Variants in ODF2 observed in about 807,000 individuals in gnomAD.
The protein encoded by ODF2 is outer dense fiber protein 2.
In ODF2, 47 loss-of-function variants were observed where a neutral mutation model predicts 110.2. The ratio of observed to expected loss-of-function variants is 0.43; its 90% CI spans 0.34 to 0.54. The LOEUF is 0.54. ODF2 is among the 20% of genes least tolerant of loss of function. The pLI, the probability that ODF2 is intolerant of heterozygous loss-of-function variation, is 0.03. For missense variants in ODF2, 812 were observed against 1,054.5 expected (o/e 0.77, Z 3.19); for synonymous variants, 352 against 397.7 (o/e 0.89, Z 1.37).
chr9:128,492,680 C>T, intron 15 of ODF2, 21 bp from the exon 16 acceptor site: 1 of 1,607,804 alleles, frequency 6.2e-7, no homozygotes, highest in Non-Finnish European at 8.5e-7. Context: ...TAAGATGAAC[C>T]ACAGTGTTGT....
chr9:128,471,762 G>A (rs1041443026), intron 6 of ODF2, among the ~76,000 whole-genome samples: 1 of 152,076 alleles, frequency 6.6e-6, no homozygotes, highest in Admixed American at 6.6e-5. Context: ...TTAAGCATTC[G>A]GCAGGTGGGT....
intron 8 of ODF2, among the ~76,000 whole-genome samples, chr9:128,475,933 C>T (rs986585063): frequency 5.3e-5 from 8 of 151,966 alleles, no homozygotes; most frequent in Admixed American, 2.6e-4. Flanking sequence ...GGTAAGCCAC[C>T]GCGCCCGGCC....
Position 128,471,481 on chromosome 9 carries a change from C to T in ODF2, c.581+13C>T, listed in dbSNP as rs1250345148. Reference sequence around the variant, plus strand: ...AGGACTTCACCATGTAAGGTGGCTCCTGCTCTGTCCCCGCTGATCTATTCC... The same window carrying T: ...AGGACTTCACCATGTAAGGTGGCTCTTGCTCTGTCCCCGCTGATCTATTCC... On this transcript the variant is annotated intron_variant, in intron 6 of 20. Coordinates refer to ENST00000604420, the Ensembl canonical transcript of ODF2. 3 of 1,611,416 alleles carry T rather than the reference C, an allele frequency of 1.9e-6. No individual in the cohort carries two copies. Among genetic ancestry groups the T allele is most frequent in the South Asian group, 2.2e-5 (2 of 90,588 alleles).
At chr9:128,491,910 A>G (rs1588971867) in intron 14 of ODF2, among the ~76,000 whole-genome samples, 1 of 128,144 alleles carries the variant, frequency 7.8e-6, no homozygotes, top group African/African-American at 3.0e-5. Context: ...TCTGTCGCCC[A>G]GGCTGGAGTG....
chr9:128,482,759 T>C (rs556591312), intron 9 of ODF2, 57 bp from the exon 10 acceptor site: 4 of 1,395,628 alleles, frequency 2.9e-6, no homozygotes, highest in Non-Finnish European at 4.0e-6. Context: ...CTGTCCTCCC[T>C]GGGCCGGGCC....
intron 10 of ODF2, 147 bp downstream of exon 10, chr9:128,483,034 T>C: frequency 1.6e-6 from 1 of 631,868 alleles, no homozygotes; most frequent in Non-Finnish European, 2.7e-6. Context: ...TAGCTGGGAC[T>C]ACAGGCGTGC....
At chr9:128,470,036 T>A (rs1436168317) in intron 5 of ODF2, among the ~76,000 whole-genome samples, 2 of 65,962 alleles carry the variant, frequency 3.0e-5, no homozygotes, top group Non-Finnish European at 5.8e-5. Context: ...TATATATATA[T>A]ATATATATAT....
chr9:128,460,801 G>T, intron 3 of ODF2, 135 bp downstream of exon 3: 2 of 1,514,430 alleles, frequency 1.3e-6, no homozygotes, highest in Non-Finnish European at 1.8e-6. Context: ...CTGGTTAGAA[G>T]GTAGGCAGGC....
At chr9:128,460,462 GC>G (rs895320010) in intron 3 of ODF2, 87 bp from the exon 3 acceptor site, 6 of 1,545,388 alleles carry the variant, frequency 3.9e-6, no homozygotes, top group African/African-American at 2.8e-5. Context: ...CTTTTTGGTG[GC>G]CCCCAGAGGC....
At chr9:128,481,682 G>T (rs1263723762) in intron 9 of ODF2, 31 bp downstream of exon 9, 2 of 1,570,426 alleles carry the variant, frequency 1.3e-6, no homozygotes, top group African/African-American at 1.4e-5. Context: ...CTACTCTAGT[G>T]GGTACAGGTG....
intron 1 of ODF2, chr9:128,456,948 C>G (rs1835020705): frequency 1.6e-6 from 2 of 1,245,542 alleles, no homozygotes; most frequent in African/African-American, 3.1e-5. Context: ...TTGTCCGGCC[C>G]CGCCCCAGCA....
At chr9:128,470,039 AT>A (rs1839534986) in intron 5 of ODF2, among the ~76,000 whole-genome samples, 3 of 95,778 alleles carry the variant, frequency 3.1e-5, no homozygotes, top group African/African-American at 1.1e-4. Context: ...ATATATATAT[AT>A]ATATATAAAT....
exon 14 of ODF2, chr9:128,487,974 C>T: frequency 6.2e-7 from 1 of 1,614,036 alleles, no homozygotes; most frequent in East Asian, 2.2e-5. Flanking sequence ...AGAGACTACA[C>T]CGTCAGACTG....
upstream of ODF2, chr9:128,456,020 ATC>A (rs1317297038): frequency 3.0e-5 from 43 of 1,429,520 alleles, no homozygotes; most frequent in Non-Finnish European, 3.7e-5. Flanking sequence ...GGGGCGGGGC[ATC>A]TCTGTGACGC....
intron 4 of ODF2, among the ~76,000 whole-genome samples, chr9:128,468,621 C>G (rs1421173504): frequency 6.6e-6 from 1 of 152,142 alleles, no homozygotes; most frequent in Non-Finnish European, 1.5e-5. Context: ...CTCCCGGGTT[C>G]AAGCGATCCT....
At chr9:128,478,363 C>T (rs765971410) in intron 8 of ODF2, among the ~76,000 whole-genome samples, 4 of 151,914 alleles carry the variant, frequency 2.6e-5, no homozygotes, top group Non-Finnish European at 5.9e-5. Flanking sequence ...TTTGGGAGGC[C>T]GAGGTGGGCA....
At chr9:128,497,871 G>A (rs1845931385) in intron 18 of ODF2, 1 of 152,276 alleles carries the variant, frequency 6.6e-6, no homozygotes. Context: ...TAAATTGGAA[G>A]GCATCCTGGA....
chr9:128,464,899 TA>T (rs1837441292), intron 4 of ODF2, among the ~76,000 whole-genome samples: 1 of 930 alleles, frequency 1.1e-3, no homozygotes, highest in African/African-American at 2.2e-3. Flanking sequence ...TTCACCGTTT[TA>T]GCCGGGATGG....
chr9:128,485,175 T>C lies in ODF2; in HGVS notation c.1291-190T>C, dbSNP rs903778029. On this transcript the variant is annotated intron_variant, in intron 12 of 20. Coordinates refer to ENST00000604420, the Ensembl canonical transcript of ODF2. The surrounding 1 kb of genome is among the most constrained non-coding windows in gnomAD (Gnocchi z 5.0). Reference sequence around the variant, plus strand: ...GGAAGGATTTACAAACAGGATGCATTTGATTGCTAGAAATCTGGGAGCACT... The same window carrying C: ...GGAAGGATTTACAAACAGGATGCATCTGATTGCTAGAAATCTGGGAGCACT... 6.6e-6 allele frequency among the ~76,000 whole-genome samples: 1 copy of C among 152,136 alleles called. No homozygotes were observed. The highest frequency in any genetic ancestry group is 6.5e-5 in the Admixed American group (1 of 15,270).
Sources: allele counts gnomAD v4.1 joint callset (sites outside exome capture counted in the v4.1 genomes callset), GRCh38; gene constraint gnomAD v4.1.1; non-coding constraint Gnocchi (gnomAD v3.1); transcripts MANE v1.5; gene names NCBI Gene and HGNC (gene_info 2026-07-23, HGNC 2026-07-21).